The following CEMIP variants were observed in gnomAD, a reference collection of about 807,000 sequenced individuals.
CEMIP encodes the protein cell migration inducing hyaluronidase 1.
A neutral mutation model predicts 156.9 loss-of-function variants in CEMIP; 105 were observed. That is an observed-to-expected ratio of 0.67 (90% CI 0.57 to 0.79). The LOEUF (loss-of-function observed/expected upper bound fraction) is 0.79, where lower values mean the gene tolerates loss of function less well. Among genes scored for constraint, CEMIP ranks in the 30% least tolerant of loss-of-function variants. The pLI is 0.00. For synonymous variants in CEMIP, 676 were observed against 668.4 expected (o/e 1.01, Z -0.17); for missense variants, 1,457 against 1,769.4 (o/e 0.82, Z 3.17).
chr15:80,935,473 A>AT (rs1901086679), intron 23 of CEMIP, among the ~76,000 whole-genome samples: 1 of 152,148 alleles, frequency 6.6e-6, no homozygotes, highest in African/African-American at 2.4e-5. Context: ...TATTCATAAT[A>AT]TTTTCCCTTC....
rs79516591 is a variant in CEMIP, at chr15:80,859,930, T to A, written c.-175-13608T>A. ...GCAGATTACTGAGTCCTGCCCCAGA[T>A]CCACAGTCAGAACCCAAAGGGTAGG... On this transcript the variant is annotated intron_variant, in intron 1 of 29. Transcript: ENST00000394685. Among the ~76,000 whole-genome samples, 563 of 152,240 alleles carry A rather than the reference T, an allele frequency of 3.7e-3. 2 individuals carry two copies. The highest frequency in any genetic ancestry group is 0.013 in the African/African-American group (532 of 41,532).
chr15:80,888,086 G>A (rs1898909389), intron 8 of CEMIP, among the ~76,000 whole-genome samples: 1 of 152,208 alleles, frequency 6.6e-6, no homozygotes. Flanking sequence ...AACGAGGCTG[G>A]GTGTGGTGGC....
chr15:80,801,816 CATCT>C (rs200546109), intron 1 of CEMIP, among the ~76,000 whole-genome samples: 2,460 of 152,286 alleles, frequency 0.016, 67 homozygotes, highest in African/African-American at 0.054. Context: ...AATATGTTTG[CATCT>C]GCACTGAACA....
intron 1 of CEMIP, among the ~76,000 whole-genome samples, chr15:80,838,499 T>A (rs974242215): frequency 2.0e-5 from 3 of 152,076 alleles, no homozygotes; most frequent in African/African-American, 7.2e-5. Flanking sequence ...CAAGGCTGAG[T>A]GCAATGCCAC....
chr15:80,919,848 C>T (rs914995897), intron 14 of CEMIP, among the ~76,000 whole-genome samples: 1 of 152,072 alleles, frequency 6.6e-6, no homozygotes, highest in Non-Finnish European at 1.5e-5. Context: ...CATGCTTTGT[C>T]CCACTTTCCC....
chr15:80,926,669 A>AGAGAAGGG (rs1022000148), intron 19 of CEMIP, among the ~76,000 whole-genome samples: 1 of 152,094 alleles, frequency 6.6e-6, no homozygotes, highest in African/African-American at 2.4e-5. Flanking sequence ...CTTGAGAGAC[A>AGAGAAGGG]GAGAAGGGGA....
Position 80,925,635 on chromosome 15 carries a change from A to G in CEMIP, c.2300A>G (p.His767Arg), listed in dbSNP as rs562707595. The change falls in exon 19 of 30, where the codon CAC becomes CGC. Residue 767 changes from histidine to arginine, a missense_variant. His to Arg is a conservative substitution (Grantham distance 29). Around this residue, in one of 5 missense-constraint regions of CEMIP, gnomAD observed 798 missense variants for 980.1 expected, o/e 0.81. Transcript: ENST00000394685. ...LSIISARYSP[H>R]QDADPLKPRE... Reference sequence around the variant, plus strand: ...TGGTTGTGCTGCAGATACAGCCCTCACCAGGACGCCGACCCGCTGAAGCCC... The same window carrying G: ...TGGTTGTGCTGCAGATACAGCCCTCGCCAGGACGCCGACCCGCTGAAGCCC... 1.9e-5 allele frequency: 31 copies of G among 1,612,900 alleles called. No individual in the cohort carries two copies. The highest frequency in any genetic ancestry group is 5.3e-5 in the African/African-American group (4 of 75,002).
At chr15:80,920,344 A>G in intron 15 of CEMIP, 45 bp downstream of exon 15, 1 of 1,553,096 alleles carries the variant, frequency 6.4e-7, no homozygotes, top group Admixed American at 1.7e-5. Context: ...GAAGGGGTGT[A>G]CATGTGTGTG....
chr15:80,849,175 G>A (rs751846880), intron 1 of CEMIP, among the ~76,000 whole-genome samples: 2 of 151,516 alleles, frequency 1.3e-5, no homozygotes, highest in African/African-American at 2.4e-5. Flanking sequence ...TGTAGAGATG[G>A]GGTTTCACTA....
Position 80,929,136 on chromosome 15 carries a change from C to T in CEMIP, c.2574C>T (p.Gly858=), listed in dbSNP as rs568369498. 1.5e-5 allele frequency: 25 copies of T among 1,614,058 alleles called. No individual in the cohort carries two copies. In the African/African-American group the frequency reaches 2.4e-4, roughly 16 times the overall value. The change falls in exon 21 of 30, where the codon GGC becomes GGT. Residue 858 remains glycine, a synonymous_variant. Coordinates refer to ENST00000394685, the MANE Select transcript of CEMIP (RefSeq NM_001293298.2). ...TGGACAATAGGATCTGGGGCCCTGG[C>T]GGCTTGGACCATAGCGGAAGGACCC... ...EMMDNRIWGP[G]GLDHSGRTLP... is the part of the protein sequence containing the mutation.
At chr15:80,854,361 C>T (rs1396348714) in intron 1 of CEMIP, among the ~76,000 whole-genome samples, 1 of 152,248 alleles carries the variant, frequency 6.6e-6, no homozygotes, top group Non-Finnish European at 1.5e-5. Flanking sequence ...GCGTGGGCTG[C>T]AGCTCCTGGG....
At chr15:80,818,810 G>A (rs1248890336) in intron 1 of CEMIP, among the ~76,000 whole-genome samples, 1 of 152,218 alleles carries the variant, frequency 6.6e-6, no homozygotes, top group Non-Finnish European at 1.5e-5. Context: ...TCTAACATGG[G>A]AACAAGAAGT....
chr15:80,824,533 T>C (rs1341589753), intron 1 of CEMIP, among the ~76,000 whole-genome samples: 1 of 152,162 alleles, frequency 6.6e-6, no homozygotes, highest in Non-Finnish European at 1.5e-5. Context: ...ACCCGCAGCC[T>C]CTTGCCCCAT....
At chr15:80,892,387 T>C (rs1416643402) in intron 10 of CEMIP, among the ~76,000 whole-genome samples, 1 of 152,202 alleles carries the variant, frequency 6.6e-6, no homozygotes, top group Non-Finnish European at 1.5e-5. Context: ...ACTGTTTCTA[T>C]GTCTTGCCCT....
intron 1 of CEMIP, among the ~76,000 whole-genome samples, chr15:80,818,350 C>A (rs10220779): frequency 1.3e-5 from 2 of 152,214 alleles, no homozygotes; most frequent in South Asian, 4.1e-4. Context: ...CATGTATCAT[C>A]GGCCAAACCA....
intron 1 of CEMIP, among the ~76,000 whole-genome samples, chr15:80,810,260 C>T (rs1896626656): frequency 6.6e-6 from 1 of 152,204 alleles, no homozygotes; most frequent in South Asian, 2.1e-4. Flanking sequence ...CAAATATAGC[C>T]TACAACTATG....
At chr15:80,924,792 C>A in intron 18 of CEMIP, 86 bp downstream of exon 18, 1 of 1,163,652 alleles carries the variant, frequency 8.6e-7, no homozygotes, top group East Asian at 2.4e-5. Context: ...CATTCATTCC[C>A]TGAGCATCTG....
intron 3 of CEMIP, among the ~76,000 whole-genome samples, chr15:80,877,931 GC>G (rs1219552540): frequency 6.6e-6 from 1 of 152,192 alleles, no homozygotes; most frequent in Non-Finnish European, 1.5e-5. Context: ...CTTCCAGACA[GC>G]CATCTAGAAA....
chr15:80,928,811 C>A, intron 19 of CEMIP, 91 bp from the exon 20 acceptor site: 1 of 1,519,532 alleles, frequency 6.6e-7, no homozygotes, highest in Non-Finnish European at 9.1e-7. Flanking sequence ...TTCAGTTTGA[C>A]TCCAAGGGCA....
Sources: allele counts gnomAD v4.1 joint callset (sites outside exome capture counted in the v4.1 genomes callset), GRCh38; gene constraint gnomAD v4.1.1; regional missense constraint gnomAD v4.1.1; transcripts MANE v1.5; gene names NCBI Gene and HGNC (gene_info 2026-07-23, HGNC 2026-07-21).